The following PDE10A variants were observed in gnomAD, a reference collection of about 807,000 sequenced individuals.
PDE10A encodes the protein phosphodiesterase 10A.
A neutral mutation model predicts 97.7 loss-of-function variants in PDE10A; 39 were observed. That is an observed-to-expected ratio of 0.40 (90% CI 0.31 to 0.52). The LOEUF (loss-of-function observed/expected upper bound fraction) is 0.52. Ranked by LOEUF, PDE10A falls within the 20% of genes least tolerant of loss-of-function variation. The pLI is 0.56. For synonymous variants in PDE10A, 371 were observed against 376.8 expected, an observed-to-expected ratio of 0.98 and a Z score of 0.18; for missense variants, 731 against 1,047.8, an observed-to-expected ratio of 0.70 and a Z score of 4.17.
At chr6:165,720,328 G>A (rs1792134059) in intron 1 of PDE10A, among the ~76,000 whole-genome samples, 1 of 152,096 alleles carries the variant, frequency 6.6e-6, no homozygotes, top group Non-Finnish European at 1.5e-5. Context: ...TGCTATCAGA[G>A]TCACTGATAG....
chr6:165,415,984 C>T (rs562057944), intron 12 of PDE10A, among the ~76,000 whole-genome samples: 2 of 152,324 alleles, frequency 1.3e-5, no homozygotes, highest in East Asian at 3.9e-4. Flanking sequence ...ATCTAGATAT[C>T]ATGATACATT....
At position 165,790,094 on chromosome 6, in the gene PDE10A, C is replaced by T. The variant is rs139868123; in HGVS notation, c.-615+197435G>A. ...GTCGCTATGTCAGTACTTTTATTAC[C>T]ACATTGTTAAAATGTAATTCTTGCG... On this transcript the variant is annotated intron_variant, in intron 1 of 19. Transcript: ENST00000366882. Among the ~76,000 whole-genome samples the T allele has an allele frequency of 3.0e-3, 459 of 152,228 alleles. 2 individuals are homozygous for T. Among genetic ancestry groups the T allele is most frequent in the African/African-American group, 0.011 (444 of 41,532 alleles).
At chr6:165,597,042 C>T (rs1786639533) in intron 1 of PDE10A, among the ~76,000 whole-genome samples, 2 of 152,096 alleles carry the variant, frequency 1.3e-5, no homozygotes, top group Non-Finnish European at 2.9e-5. Flanking sequence ...AAAATGGTAA[C>T]TGCCCTTCAC....
At chr6:165,798,680 A>G (rs1778893195) in intron 1 of PDE10A, among the ~76,000 whole-genome samples, 1 of 151,886 alleles carries the variant, frequency 6.6e-6, no homozygotes, top group Non-Finnish European at 1.5e-5. Context: ...TTTTAATGAT[A>G]TTAATCATCG....
intron 1 of PDE10A, among the ~76,000 whole-genome samples, chr6:165,861,067 G>A (rs556211357): frequency 2.4e-4 from 37 of 152,248 alleles, no homozygotes; most frequent in African/African-American, 8.2e-4. Flanking sequence ...AGGGGTACAC[G>A]GAATACATCT....
chr6:165,393,181 G>C (rs1785852562), intron 15 of PDE10A, among the ~76,000 whole-genome samples: 1 of 152,096 alleles, frequency 6.6e-6, no homozygotes, highest in Non-Finnish European at 1.5e-5. Context: ...AGGGTATTTT[G>C]AGCTAATATT....
At chr6:165,525,245 A>G (rs1782367439) in intron 2 of PDE10A, among the ~76,000 whole-genome samples, 1 of 152,134 alleles carries the variant, frequency 6.6e-6, no homozygotes, top group Admixed American at 6.5e-5. Flanking sequence ...ATGGGAATGG[A>G]TATTAAGGGT....
At chr6:165,970,420 C>G (rs1490113523) in intron 1 of PDE10A, among the ~76,000 whole-genome samples, 1 of 152,070 alleles carries the variant, frequency 6.6e-6, no homozygotes, top group Non-Finnish European at 1.5e-5. Flanking sequence ...AAAATGCACA[C>G]TAAATTATTT....
intron 2 of PDE10A, among the ~76,000 whole-genome samples, chr6:165,524,793 G>A (rs1782332556): frequency 6.6e-6 from 1 of 152,324 alleles, no homozygotes; most frequent in Non-Finnish European, 1.5e-5. Flanking sequence ...TGCTGTTAAA[G>A]TGAGGGCATT....
At chr6:165,721,369 T>C (rs1792163984) in intron 1 of PDE10A, among the ~76,000 whole-genome samples, 1 of 152,254 alleles carries the variant, frequency 6.6e-6, no homozygotes, top group Admixed American at 6.5e-5. Flanking sequence ...TCATTACTTC[T>C]TAACTTGCAA....
intron 1 of PDE10A, among the ~76,000 whole-genome samples, chr6:165,877,847 T>A (rs1781385127): frequency 6.6e-6 from 1 of 152,212 alleles, no homozygotes. Flanking sequence ...CAAACAACCC[T>A]CTGAGGAAGG....
chr6:165,895,531 C>G (rs1184234479), intron 1 of PDE10A, among the ~76,000 whole-genome samples: 1 of 152,198 alleles, frequency 6.6e-6, no homozygotes, highest in Non-Finnish European at 1.5e-5. Context: ...TTGCTTTAAG[C>G]CACCTGGCTG....
chr6:165,792,617 T>A (rs777542656), intron 1 of PDE10A, among the ~76,000 whole-genome samples: 40 of 152,060 alleles, frequency 2.6e-4, no homozygotes, highest in Non-Finnish European at 2.5e-4. Flanking sequence ...TTCCACCGGG[T>A]TCAGTCCTGG....
chr6:165,608,009 T>C (rs1311352267), intron 1 of PDE10A, among the ~76,000 whole-genome samples: 2 of 151,794 alleles, frequency 1.3e-5, no homozygotes, highest in African/African-American at 4.8e-5. Context: ...AGGACTCATA[T>C]TATTCTACGA....
intron 1 of PDE10A, among the ~76,000 whole-genome samples, chr6:165,623,020 T>G (rs1177517181): frequency 6.6e-6 from 1 of 152,218 alleles, no homozygotes; most frequent in Admixed American, 6.5e-5. Flanking sequence ...CCTTCTGCCA[T>G]GAGTGTAAAC....
At chr6:165,525,145 A>G (rs886920513) in intron 2 of PDE10A, among the ~76,000 whole-genome samples, 2 of 152,170 alleles carry the variant, frequency 1.3e-5, no homozygotes, top group East Asian at 3.9e-4. Flanking sequence ...CCCTAGAGGT[A>G]AAGTTGAGAG....
At chr6:165,425,278 A>G (rs1326667714) in intron 10 of PDE10A, among the ~76,000 whole-genome samples, 1 of 152,192 alleles carries the variant, frequency 6.6e-6, no homozygotes, top group Non-Finnish European at 1.5e-5. Flanking sequence ...AAGACGCCAT[A>G]TGCTGAAGAT....
At chr6:165,472,723 A>G (rs967385411) in intron 3 of PDE10A, among the ~76,000 whole-genome samples, 1 of 152,160 alleles carries the variant, frequency 6.6e-6, no homozygotes, top group Non-Finnish European at 1.5e-5. Flanking sequence ...TTCTGAATGT[A>G]TAACACATAG....
chr6:165,478,517 T>C (rs1325315368), intron 3 of PDE10A, among the ~76,000 whole-genome samples: 1 of 152,216 alleles, frequency 6.6e-6, no homozygotes, highest in East Asian at 1.9e-4. Flanking sequence ...AGACTTTTTG[T>C]AGCTATAAGA....
Sources: gnomAD v4.1 joint callset for allele counts (sites outside exome capture counted in the v4.1 genomes callset) on GRCh38, gnomAD v4.1.1 for gene constraint, MANE v1.5 for transcripts, NCBI Gene and HGNC (gene_info 2026-07-23, HGNC 2026-07-21) for gene names.